The following IL1RAPL1 variants were observed in gnomAD, a reference collection of about 807,000 sequenced individuals.
IL1RAPL1 encodes interleukin 1 receptor accessory protein like 1.
A neutral mutation model predicts 48.4 loss-of-function variants in IL1RAPL1; 3 were observed. The observed-to-expected ratio is 0.06, with a 90% CI of 0.03 to 0.16. The LOEUF is 0.16. Ranked by LOEUF, IL1RAPL1 falls within the 10% of genes least tolerant of loss-of-function variation. The probability of loss-of-function intolerance (pLI) is 1.00; values close to 1 mark genes in which losing one functional copy is unlikely to be tolerated. For missense variants in IL1RAPL1, 349 were observed against 530.6 expected (o/e 0.66, Z 3.36); for synonymous variants, 185 against 187.7 (o/e 0.99, Z 0.12).
intron 5 of IL1RAPL1, among the ~76,000 whole-genome samples, chrX:29,399,579 G>A (rs2147688517): frequency 9.0e-6 from 1 of 111,520 alleles, no homozygotes; most frequent in African/African-American, 3.3e-5. Flanking sequence ...CCAGCACTTT[G>A]GGAGGCCAAG....
intron 2 of IL1RAPL1, among the ~76,000 whole-genome samples, chrX:29,018,470 G>C (rs1430494629): frequency 8.9e-6 from 1 of 111,870 alleles, no homozygotes; most frequent in African/African-American, 3.2e-5. Flanking sequence ...CTCTAGCCTA[G>C]GGTGTCAGAA....
intron 2 of IL1RAPL1, among the ~76,000 whole-genome samples, chrX:29,005,244 C>A (rs2147390796): frequency 9.0e-6 from 1 of 111,573 alleles, no homozygotes; most frequent in Non-Finnish European, 1.9e-5. Flanking sequence ...AGATGTTTTT[C>A]AAAAAAATAC....
rs1933264289 is a variant in IL1RAPL1, at chrX:29,949,016, T to TTAA, written c.1202-5506_1202-5505insTAA. On this transcript the variant is annotated intron_variant, in intron 9 of 10. Coordinates refer to ENST00000378993, the MANE Select transcript of IL1RAPL1 (RefSeq NM_014271.4). ...CAGCCACTACCTTCAACTTGAAAAG[T>TTAA]GAGTCTTCAACCTACATTTTCTTAA... Among the ~76,000 whole-genome samples the TTAA allele has an allele frequency of 2.7e-5, 3 of 112,000 alleles. No individual in the cohort carries two copies. In the South Asian group the frequency reaches 1.1e-3, roughly 41 times the overall value.
intron 5 of IL1RAPL1, among the ~76,000 whole-genome samples, chrX:29,425,321 C>G (rs1343976481): frequency 8.9e-6 from 1 of 111,818 alleles, no homozygotes; most frequent in Non-Finnish European, 1.9e-5. Context: ...CTTGACAAAG[C>G]AGAGTGGCGA....
At chrX:28,737,191 C>T (rs1601880882) in intron 1 of IL1RAPL1, among the ~76,000 whole-genome samples, 1 of 79,458 alleles carries the variant, frequency 1.3e-5, no homozygotes, top group East Asian at 4.2e-4. Flanking sequence ...TCTTTCCTTT[C>T]TCTTTCTTTC....
chrX:29,874,425 C>T (rs183166955), intron 6 of IL1RAPL1, among the ~76,000 whole-genome samples: 1 of 111,994 alleles, frequency 8.9e-6, no homozygotes, highest in East Asian at 2.8e-4. Context: ...TAATGGAGTA[C>T]TCTAAGCTAT....
At chrX:29,116,853 G>A (rs1236403730) in intron 2 of IL1RAPL1, among the ~76,000 whole-genome samples, 1 of 111,779 alleles carries the variant, frequency 8.9e-6, no homozygotes. Context: ...CCCAACAAGA[G>A]TCAGCACTGG....
At chrX:28,991,803 A>G (rs1162292380) in intron 2 of IL1RAPL1, among the ~76,000 whole-genome samples, 1 of 112,526 alleles carries the variant, frequency 8.9e-6, no homozygotes, top group African/African-American at 3.2e-5. Context: ...ATGGATGCAT[A>G]CCATATTATG....
At chrX:29,901,673 GCTTT>G (rs1395992350) in intron 6 of IL1RAPL1, among the ~76,000 whole-genome samples, 2 of 111,997 alleles carry the variant, frequency 1.8e-5, no homozygotes, top group African/African-American at 3.2e-5. Context: ...ACAGATGTAT[GCTTT>G]CTTTATGCAT....
At chrX:28,624,660 C>T (rs1231497861) in intron 1 of IL1RAPL1, among the ~76,000 whole-genome samples, 4 of 111,828 alleles carry the variant, frequency 3.6e-5, no homozygotes, top group Non-Finnish European at 7.5e-5. Context: ...TTTTATCAAT[C>T]TGCCTGTCAG....
At chrX:29,081,008 C>CTTT (rs1927814346) in intron 2 of IL1RAPL1, among the ~76,000 whole-genome samples, 2 of 71,373 alleles carry the variant, frequency 2.8e-5, no homozygotes, top group Non-Finnish European at 5.3e-5. Context: ...CTCTCTCTCT[C>CTTT]TCTCTCTCTC....
At chrX:29,217,242 C>A (rs1481313317) in intron 2 of IL1RAPL1, among the ~76,000 whole-genome samples, 1 of 112,150 alleles carries the variant, frequency 8.9e-6, no homozygotes, top group African/African-American at 3.2e-5. Flanking sequence ...CTAGTCTAGA[C>A]CAAATCAATT....
At chrX:28,918,866 C>A (rs2147336198) in intron 2 of IL1RAPL1, among the ~76,000 whole-genome samples, 1 of 111,433 alleles carries the variant, frequency 9.0e-6, no homozygotes, top group East Asian at 2.8e-4. Flanking sequence ...TCATATAAAA[C>A]CTTGTAGGGG....
At chrX:28,880,954 A>C (rs1466442819) in intron 2 of IL1RAPL1, among the ~76,000 whole-genome samples, 2 of 111,758 alleles carry the variant, frequency 1.8e-5, no homozygotes, top group Non-Finnish European at 3.8e-5. Flanking sequence ...GAATGAATAA[A>C]AATAATATTT....
At chrX:28,897,803 G>T (rs1259025691) in intron 2 of IL1RAPL1, among the ~76,000 whole-genome samples, 11 of 111,890 alleles carry the variant, frequency 9.8e-5, no homozygotes, top group South Asian at 7.6e-4. Context: ...GGCCGAGTCT[G>T]AAAAGAAAGT....
chrX:28,934,153 T>G (rs1488905899), intron 2 of IL1RAPL1, among the ~76,000 whole-genome samples: 1 of 111,126 alleles, frequency 9.0e-6, no homozygotes, highest in Non-Finnish European at 1.9e-5. Context: ...AGCCTCATTT[T>G]ACCCAGCTCC....
rs778402885 is a variant in IL1RAPL1 at position 28,615,199 on chromosome X, G to GTTT, written c.-25+27185_-25+27187dup. On this transcript the variant is annotated intron_variant, in intron 1 of 10. Transcript: ENST00000378993. The stretch of plus-strand genomic sequence containing the variant: ...CACTGCGCCTGGCCAACTGTTGTCT[G>GTTT]TTTTTTTTTTTTTTTTTTTTTTTTT... Among the ~76,000 whole-genome samples, 148 of 26,029 alleles carry GTTT rather than the reference G, an allele frequency of 5.7e-3. 17 individuals are homozygous for GTTT. Among genetic ancestry groups the GTTT allele is most frequent in the East Asian group, 8.9e-3 (6 of 677 alleles). The allele number at this position is 26,029 out of a possible 115,157, so 22.6% of individuals were successfully genotyped here.
intron 1 of IL1RAPL1, among the ~76,000 whole-genome samples, chrX:28,771,961 A>G (rs1177920079): frequency 9.7e-6 from 1 of 102,774 alleles, no homozygotes; most frequent in Non-Finnish European, 2.0e-5. Flanking sequence ...AAAAAAAAAG[A>G]AAAAAGAAAA....
chrX:29,781,430 C>A (rs918391265), intron 6 of IL1RAPL1, among the ~76,000 whole-genome samples: 2 of 111,716 alleles, frequency 1.8e-5, no homozygotes, highest in Non-Finnish European at 3.8e-5. Flanking sequence ...TTGTATGGAA[C>A]CTTTTCTGCC....
Sources: gnomAD v4.1 joint callset for allele counts (sites outside exome capture counted in the v4.1 genomes callset) on GRCh38, gnomAD v4.1.1 for gene constraint, MANE v1.5 for transcripts, NCBI Gene and HGNC (gene_info 2026-07-23, HGNC 2026-07-21) for gene names.